Variants in COG5 observed in about 807,000 individuals in gnomAD.
The protein encoded by COG5 is conserved oligomeric Golgi complex subunit 5.
A neutral mutation model predicts 110.4 loss-of-function variants in COG5; 86 were observed. The observed-to-expected ratio is 0.78, with a 90% CI of 0.65 to 0.93. The LOEUF (loss-of-function observed/expected upper bound fraction) is 0.93. COG5 is among the 40% of genes least tolerant of loss of function. The pLI is 0.00. For missense variants in COG5, 1,077 were observed against 987.0 expected (o/e 1.09, Z -1.22); for synonymous variants, 360 against 334.6 (o/e 1.08, Z -0.83).
chr7:107,411,823 CTATTAATAATTA>C (rs1563018036), intron 7 of COG5, among the ~76,000 whole-genome samples: 1 of 151,996 alleles, frequency 6.6e-6, no homozygotes, highest in Non-Finnish European at 1.5e-5. Context: ...TGAAAAAACT[CTATTAATAATTA>C]TATTGGAGCC....
intron 12 of COG5, among the ~76,000 whole-genome samples, chr7:107,292,727 T>C (rs1275389954): frequency 1.3e-5 from 2 of 152,146 alleles, no homozygotes; most frequent in African/African-American, 2.4e-5. Context: ...CAAACCTCCA[T>C]GATTTAGTAG....
At chr7:107,439,020 T>A (rs766175666) in intron 6 of COG5, among the ~76,000 whole-genome samples, 1 of 152,156 alleles carries the variant, frequency 6.6e-6, no homozygotes, top group Non-Finnish European at 1.5e-5. Context: ...ATCATCAAAC[T>A]ATGCCATTCA....
chr7:107,559,342 C>T (rs1040302132), intron 1 of COG5, among the ~76,000 whole-genome samples: 1 of 152,102 alleles, frequency 6.6e-6, no homozygotes, highest in African/African-American at 2.4e-5. Flanking sequence ...CTCATGGTAA[C>T]CATGTACCAA....
chr7:107,445,351 T>C (rs374424308), intron 6 of COG5, among the ~76,000 whole-genome samples: 21 of 152,186 alleles, frequency 1.4e-4, no homozygotes, highest in Non-Finnish European at 2.8e-4. Flanking sequence ...CAAGATACAA[T>C]ATCCTCAACT....
At chr7:107,544,175 TA>T (rs759582049) in intron 5 of COG5, among the ~76,000 whole-genome samples, 1 of 151,804 alleles carries the variant, frequency 6.6e-6, no homozygotes. Flanking sequence ...CTAACCCTGG[TA>T]AACCCAAGAC....
At chr7:107,475,462 A>G in intron 6 of COG5, 2 of 603,836 alleles carry the variant, frequency 3.3e-6, no homozygotes, top group South Asian at 5.2e-5. Context: ...TATTTTAAGT[A>G]TTGGTTATGT....
intron 6 of COG5, among the ~76,000 whole-genome samples, chr7:107,440,916 ATAAGT>A (rs1794666767): frequency 6.6e-6 from 1 of 152,154 alleles, no homozygotes; most frequent in African/African-American, 2.4e-5. Context: ...AACAGTAATA[ATAAGT>A]TAAGCACTTT....
At chr7:107,300,235 G>C (rs1186294576) in intron 11 of COG5, among the ~76,000 whole-genome samples, 1 of 151,998 alleles carries the variant, frequency 6.6e-6, no homozygotes, top group African/African-American at 2.4e-5. Context: ...TAATACTTAA[G>C]AGAATAAGTA....
chr7:107,320,530 C>T (rs1437975165), intron 11 of COG5, among the ~76,000 whole-genome samples: 1 of 152,150 alleles, frequency 6.6e-6, no homozygotes, highest in Non-Finnish European at 1.5e-5. Context: ...TAAGAGATCT[C>T]AAGATTCAGT....
intron 16 of COG5, among the ~76,000 whole-genome samples, chr7:107,255,136 C>T (rs1043014783): frequency 1.3e-5 from 2 of 151,964 alleles, no homozygotes; most frequent in Non-Finnish European, 2.9e-5. Flanking sequence ...ATAGTTACTG[C>T]TAGAAGAAAA....
At chr7:107,205,671 C>T (rs1798716069) in intron 21 of COG5, among the ~76,000 whole-genome samples, 1 of 152,200 alleles carries the variant, frequency 6.6e-6, no homozygotes, top group South Asian at 2.1e-4. Flanking sequence ...GAATACCCTT[C>T]CTTGCTTACT....
intron 6 of COG5, among the ~76,000 whole-genome samples, chr7:107,503,090 G>A (rs1337645499): frequency 1.3e-5 from 2 of 152,130 alleles, no homozygotes; most frequent in Admixed American, 6.5e-5. Context: ...CCAATGTCTA[G>A]AAGAGTTTTT....
intron 6 of COG5, chr7:107,480,703 G>A (rs1797290565): frequency 6.6e-6 from 1 of 151,808 alleles, no homozygotes; most frequent in South Asian, 2.1e-4. Context: ...GCACATACTA[G>A]AAATATAACA....
intron 14 of COG5, among the ~76,000 whole-genome samples, chr7:107,263,740 G>C (rs565232369): frequency 6.6e-6 from 1 of 152,208 alleles, no homozygotes; most frequent in South Asian, 2.1e-4. Flanking sequence ...CTGTACATCT[G>C]CTCATTAGGA....
rs147059753 is a variant in COG5 at position 107,276,842 on chromosome 7, A to G, written c.1575+4458T>C. Among the ~76,000 whole-genome samples the G allele has an allele frequency of 1.7e-3, 259 of 152,302 alleles. 2 individuals carry two copies. The highest frequency in any genetic ancestry group is 6.1e-3 in the African/African-American group (252 of 41,576). On this transcript the variant is annotated intron_variant, in intron 14 of 21. Coordinates refer to ENST00000297135, the MANE Select transcript of COG5 (RefSeq NM_006348.5). ...ATTTGAAACATAAAATTCTTAGTAAATTAATTATAACCTCACAATTGCTGT... is the reference window on the plus strand; with the variant it reads ...ATTTGAAACATAAAATTCTTAGTAAGTTAATTATAACCTCACAATTGCTGT...
At chr7:107,354,655 G>A (rs1198016333) in intron 10 of COG5, among the ~76,000 whole-genome samples, 2 of 152,174 alleles carry the variant, frequency 1.3e-5, no homozygotes. Context: ...TAGGCTGGGC[G>A]ACAAGAGTGA....
chr7:107,311,776 T>G (rs1211393162), intron 11 of COG5, among the ~76,000 whole-genome samples: 1 of 152,106 alleles, frequency 6.6e-6, no homozygotes, highest in Non-Finnish European at 1.5e-5. Context: ...ATGCCTTACC[T>G]TTAGTGTTAA....
At chr7:107,454,946 T>C (rs916648940) in intron 6 of COG5, among the ~76,000 whole-genome samples, 3 of 152,178 alleles carry the variant, frequency 2.0e-5, no homozygotes, top group Admixed American at 6.5e-5. Flanking sequence ...TATGTTGTCA[T>C]TGGAGGAAAA....
chr7:107,537,379 C>T (rs773964698), intron 5 of COG5, among the ~76,000 whole-genome samples: 16 of 152,118 alleles, frequency 1.1e-4, no homozygotes, highest in Non-Finnish European at 1.6e-4. Context: ...GAAAATGTGG[C>T]ACATATACAC....
Sources: gnomAD v4.1 joint callset for allele counts (sites outside exome capture counted in the v4.1 genomes callset) on GRCh38, gnomAD v4.1.1 for gene constraint, MANE v1.5 for transcripts, NCBI Gene and HGNC (gene_info 2026-07-23, HGNC 2026-07-21) for gene names.